Variants in TRPM1 observed in about 807,000 individuals in gnomAD.
The protein encoded by TRPM1 is transient receptor potential cation channel subfamily M member 1.
In TRPM1, 113 loss-of-function variants were observed where a neutral mutation model predicts 149.4. That is an observed-to-expected ratio of 0.76 (90% confidence interval 0.65 to 0.88). The LOEUF (loss-of-function observed/expected upper bound fraction) is 0.88, where lower values mean the gene tolerates loss of function less well. Among genes scored for constraint, TRPM1 ranks in the 40% least tolerant of loss-of-function variants. The pLI, the probability that TRPM1 is intolerant of heterozygous loss-of-function variation, is 0.00. For synonymous variants in TRPM1, 741 were observed against 759.5 expected (o/e 0.98, Z 0.40); for missense variants, 1,976 against 2,038.7 (o/e 0.97, Z 0.59).
chr15:31,042,377 C>G (rs1033804448), intron 16 of TRPM1, 134 bp from the exon 17 acceptor site: 10 of 888,832 alleles, frequency 1.1e-5, no homozygotes, highest in Middle Eastern at 3.3e-4. Flanking sequence ...TACATTTCCA[C>G]TCCGCATATG....
At chr15:31,142,128 A>G (rs181450511) in intron 1 of TRPM1, among the ~76,000 whole-genome samples, 9 of 152,324 alleles carry the variant, frequency 5.9e-5, no homozygotes, top group Admixed American at 3.3e-4. Flanking sequence ...ATGATTTCCA[A>G]AACACAATTT....
At chr15:31,063,067 G>A (rs370920189) in intron 8 of TRPM1, 51 bp downstream of exon 8, 128 of 1,610,028 alleles carry the variant, frequency 8.0e-5, no homozygotes, top group African/African-American at 1.7e-4. Flanking sequence ...TCCTTGGCCC[G>A]ACAAAGAGGG....
intron 11 of TRPM1, among the ~76,000 whole-genome samples, chr15:31,056,620 A>G (rs942178451): frequency 3.9e-5 from 6 of 152,224 alleles, no homozygotes; most frequent in African/African-American, 1.4e-4. Context: ...TCCCCAGTGC[A>G]ACAGTGCTGA....
At chr15:31,160,874 C>T (rs1596110139) in intron 1 of TRPM1, 3 of 1,534,104 alleles carry the variant, frequency 2.0e-6, no homozygotes, top group East Asian at 4.9e-5. Flanking sequence ...TTCCGCCCAG[C>T]TGCCCGCAGG....
chr15:31,016,964 C>A (rs1220753412), intron 27 of TRPM1, among the ~76,000 whole-genome samples: 1 of 69,998 alleles, frequency 1.4e-5, no homozygotes, highest in African/African-American at 1.0e-4. Flanking sequence ...ACCTGGCGTA[C>A]ACACACACAC....
rs1249033016 is a variant in TRPM1 at position 31,003,023 on chromosome 15, G to A, written c.3677C>T (p.Thr1226Ile). The A allele has an allele frequency of 1.3e-6, 2 of 1,597,720 alleles. No individual in the cohort carries two copies. The highest frequency in any genetic ancestry group is 1.4e-5 in the African/African-American group (1 of 73,882). ...MRLEEINERE[T>I]FMKTSLQTVD... ...AGTCTGCAGGGAAGTTTTCATAAAAGTTTCTCTTTCATTGATTTCTTCCAA... is the reference window on the plus strand; with the variant it reads ...AGTCTGCAGGGAAGTTTTCATAAAAATTTCTCTTTCATTGATTTCTTCCAA... The change falls in exon 28 of 28, where the codon ACT becomes ATT. Residue 1226 changes from threonine to isoleucine, a missense_variant. Thr to Ile is a moderately conservative substitution (Grantham distance 89). Coordinates refer to ENST00000256552, the MANE Select transcript of TRPM1 (RefSeq NM_001252024.2).
intron 1 of TRPM1, among the ~76,000 whole-genome samples, chr15:31,123,299 C>T (rs1031746235): frequency 1.3e-5 from 2 of 152,076 alleles, no homozygotes; most frequent in African/African-American, 4.8e-5. Context: ...GATGCAATGT[C>T]AAAAGAATGG....
chr15:31,120,743 T>G (rs11070823), intron 1 of TRPM1, among the ~76,000 whole-genome samples: 1 of 150,496 alleles, frequency 6.6e-6, no homozygotes, highest in Admixed American at 6.6e-5. Flanking sequence ...AAAAAATTAC[T>G]GAAAGATATC....
In TRPM1 at chr15:31,154,314, G is replaced by C. The variant is rs193287236; in HGVS notation, c.54+6592C>G. On this transcript the variant is annotated intron_variant, in intron 1 of 26. Coordinates refer to the TRPM1 transcript ENST00000542188. ...TCTTTGTATGATGTGAAGCCATAGA[G>C]AGATGGGTGAGGGTGGCATGGGGTG... is the stretch of plus-strand genomic sequence containing the variant. Among the ~76,000 whole-genome samples the C allele has an allele frequency of 1.1e-4, 17 of 152,310 alleles. 1 individual carries two copies. In the Middle Eastern group the frequency reaches 0.01, roughly 91 times the overall value.
At chr15:31,050,794 G>A (rs927032898) in intron 11 of TRPM1, among the ~76,000 whole-genome samples, 9 of 152,122 alleles carry the variant, frequency 5.9e-5, no homozygotes, top group South Asian at 2.1e-4. Flanking sequence ...ATACTCAGTC[G>A]TCGCAGGCCT....
intron 13 of TRPM1, 37 bp from the exon 14 acceptor site, chr15:31,047,976 T>A (rs1490632009): frequency 6.2e-7 from 1 of 1,604,148 alleles, no homozygotes; most frequent in East Asian, 2.2e-5. Context: ...AAATATGTTT[T>A]TCTTGGCCAG....
chr15:31,083,887 C>T (rs2034927971), intron 1 of TRPM1, among the ~76,000 whole-genome samples: 1 of 152,210 alleles, frequency 6.6e-6, no homozygotes, highest in East Asian at 1.9e-4. Flanking sequence ...TGATACCCCT[C>T]ACATCTGCCC....
Position 31,146,016 on chromosome 15 carries a change from T to C in TRPM1, c.54+14890A>G, listed in dbSNP as rs534220834. Among the ~76,000 whole-genome samples, 16 of 152,248 alleles carry C rather than the reference T, an allele frequency of 1.1e-4. 1 individual carries two copies. In the South Asian group the frequency reaches 3.3e-3, roughly 32 times the overall value. ...GCCCAGGCTTTGAATGTGGGCCTCA[T>C]TCAAAGCTGTCCTGGGCCACAGGTA... On this transcript the variant is annotated intron_variant, in intron 1 of 26. Coordinates refer to the TRPM1 transcript ENST00000542188.
upstream of TRPM1, among the ~76,000 whole-genome samples, chr15:31,103,958 C>T (rs543190803): frequency 1.6e-3 from 249 of 152,186 alleles, no homozygotes; most frequent in Non-Finnish European, 2.9e-3. Context: ...AAGGGGTTCT[C>T]ACCAGACTGT....
At chr15:31,117,613 A>C (rs2035817238) in intron 1 of TRPM1, among the ~76,000 whole-genome samples, 2 of 150,288 alleles carry the variant, frequency 1.3e-5, no homozygotes. Flanking sequence ...ACTTCACTGC[A>C]CTCCAGCCTG....
intron 1 of TRPM1, among the ~76,000 whole-genome samples, chr15:31,094,243 A>G (rs1164821547): frequency 2.0e-5 from 3 of 152,240 alleles, no homozygotes; most frequent in Non-Finnish European, 4.4e-5. Flanking sequence ...TAAGACCTAA[A>G]ACCATAAAAC....
chr15:31,142,329 C>G (rs1047710925), intron 1 of TRPM1, among the ~76,000 whole-genome samples: 1 of 152,104 alleles, frequency 6.6e-6, no homozygotes, highest in Non-Finnish European at 1.5e-5. Flanking sequence ...AAAAAGTACA[C>G]TGATGCAAAA....
chr15:31,073,674 C>A (rs2034618211), intron 3 of TRPM1, among the ~76,000 whole-genome samples: 1 of 151,918 alleles, frequency 6.6e-6, no homozygotes, highest in South Asian at 2.1e-4. Flanking sequence ...TCTCTCTTTC[C>A]AATCTCAATA....
intron 20 of TRPM1, chr15:31,036,013 A>G (rs1389831509): frequency 2.7e-6 from 1 of 363,960 alleles, no homozygotes; most frequent in Non-Finnish European, 5.3e-6. Context: ...TGTCTTCTAC[A>G]TTCCTGGAAA....
Sources: allele counts gnomAD v4.1 joint callset (sites outside exome capture counted in the v4.1 genomes callset), GRCh38; gene constraint gnomAD v4.1.1; transcripts MANE v1.5; gene names NCBI Gene and HGNC (gene_info 2026-07-23, HGNC 2026-07-21).